Variants in AAK1 observed in about 807,000 individuals in gnomAD.
AAK1 encodes AP2 associated kinase 1, also known as AP2-associated protein kinase 1.
In AAK1, 37 loss-of-function variants were observed where a neutral mutation model predicts 116.0. That is an observed-to-expected ratio of 0.32 (90% CI 0.25 to 0.42). The LOEUF is 0.42. Ranked by LOEUF, AAK1 falls within the 10% of genes least tolerant of loss-of-function variation. The pLI is 1.00. For missense variants in AAK1, 919 were observed against 1,170.6 expected (o/e 0.79, Z 3.14); for synonymous variants, 458 against 439.9 (o/e 1.04, Z -0.51).
intron 2 of AAK1, among the ~76,000 whole-genome samples, chr2:69,588,110 G>A (rs1221701382): frequency 1.3e-5 from 2 of 152,042 alleles, no homozygotes; most frequent in African/African-American, 4.8e-5. Flanking sequence ...TTAGATAAGG[G>A]TTCAAATCCC....
intron 2 of AAK1, among the ~76,000 whole-genome samples, chr2:69,609,653 G>C (rs2105213801): frequency 6.6e-6 from 1 of 152,194 alleles, no homozygotes; most frequent in African/African-American, 2.4e-5. Flanking sequence ...GACACAGTGA[G>C]ACTCCATCTA....
chr2:69,595,039 G>A (rs1056873349), intron 2 of AAK1: 10 of 740,994 alleles, frequency 1.3e-5, no homozygotes, highest in Non-Finnish European at 2.2e-5. Context: ...AGTCCAGCGG[G>A]TTTTAGGAAC....
At position 69,468,188 on chromosome 2, in the gene AAK1, C is replaced by G; in HGVS notation, c.*7681G>C. ...TACATGGTGATACGAAAGCATCAGTCAGTGGACAGGAAATAAACAGAATAC... is the reference window on the plus strand; with the variant it reads ...TACATGGTGATACGAAAGCATCAGTGAGTGGACAGGAAATAAACAGAATAC... On this transcript the variant is annotated 3_prime_UTR_variant, in exon 22 of 22. Transcript: ENST00000409085. 1 of 985,384 alleles carries G rather than the reference C, an allele frequency of 1.0e-6. No homozygotes were observed. The highest frequency in any genetic ancestry group is 1.2e-6 in the Non-Finnish European group (1 of 829,910). The allele number at this position is 985,384 out of a possible 1,614,324, so 61.0% of individuals were successfully genotyped here. A position where few individuals can be genotyped will look rare whatever the true frequency, so the allele number is the denominator to read the frequency against.
intron 2 of AAK1, among the ~76,000 whole-genome samples, chr2:69,634,601 C>T (rs1366562389): frequency 6.6e-6 from 1 of 152,190 alleles, no homozygotes; most frequent in Non-Finnish European, 1.5e-5. Context: ...CAAGAAACAA[C>T]TGAACCCCAA....
intron 4 of AAK1, among the ~76,000 whole-genome samples, chr2:69,543,624 T>A (rs1421930164): frequency 6.6e-6 from 1 of 152,144 alleles, no homozygotes; most frequent in Non-Finnish European, 1.5e-5. Flanking sequence ...ACCAAGATAG[T>A]CTCGATCTCT....
rs573879066 is a variant in AAK1 at position 69,464,630 on chromosome 2, T to C, written c.*11239A>G. 6.5e-6 allele frequency: 1 copy of C among 152,714 alleles called. No homozygotes were observed. The highest frequency in any genetic ancestry group is 1.5e-5 in the Non-Finnish European group (1 of 68,040). 9.5% of individuals were successfully genotyped at this position (152,714 alleles called of 1,614,324 possible). ...GGGCAGGATTTCCCTCAAGTGGAAA[T>C]GCTTCCTGTGCACACACACGTATAC... On this transcript the variant is annotated 3_prime_UTR_variant, in exon 22 of 22. Coordinates refer to ENST00000409085, the MANE Select transcript of AAK1 (RefSeq NM_014911.5).
intron 2 of AAK1, among the ~76,000 whole-genome samples, chr2:69,624,841 C>T (rs777563777): frequency 2.0e-4 from 30 of 151,918 alleles, no homozygotes; most frequent in Non-Finnish European, 3.7e-4. Flanking sequence ...ATGGAATAAC[C>T]GAAACAATAT....
chr2:69,505,419 AT>A (rs1055315117), intron 16 of AAK1, 149 bp downstream of exon 16: 20 of 397,950 alleles, frequency 5.0e-5, no homozygotes, highest in Non-Finnish European at 7.8e-5. Context: ...TAAATTTTAA[AT>A]TAAATAGACC....
intron 2 of AAK1, among the ~76,000 whole-genome samples, chr2:69,624,486 T>G (rs753751711): frequency 1.3e-5 from 2 of 152,214 alleles, no homozygotes; most frequent in Non-Finnish European, 2.9e-5. Context: ...TGCAAAGTCT[T>G]GAAGAAGAAT....
chr2:69,520,704 C>T (rs1669738019), intron 11 of AAK1, 130 bp downstream of exon 11: 7 of 1,141,996 alleles, frequency 6.1e-6, no homozygotes, highest in Non-Finnish European at 7.2e-6. Flanking sequence ...CCTCCTGTTC[C>T]TCAAGGAACA....
chr2:69,565,078 T>C (rs116827092), intron 2 of AAK1, among the ~76,000 whole-genome samples: 277 of 152,270 alleles, frequency 1.8e-3, no homozygotes, highest in African/African-American at 6.6e-3. Flanking sequence ...AGTGACACAG[T>C]CCAGCTTTAA....
rs1669956416 is a variant in AAK1, at chr2:69,525,018, G to A, written c.1055+15C>T. On this transcript the variant is annotated intron_variant, in intron 10 of 21. Coordinates refer to ENST00000409085, the MANE Select transcript of AAK1 (RefSeq NM_014911.5). The stretch of plus-strand genomic sequence containing the variant: ...CAATCCAAGGAGGACATGTGTTCAT[G>A]AAGGCATTTCTTACCTGGCCTTTGG... The A allele has an allele frequency of 1.9e-6, 3 of 1,612,086 alleles. No individual in the cohort carries two copies. The highest frequency in any genetic ancestry group is 1.3e-5 in the African/African-American group (1 of 75,002).
rs554669966 is a variant in AAK1 at position 69,465,912 on chromosome 2, C to T, written c.*9957G>A. The T allele has an allele frequency of 7.7e-7, 1 of 1,290,768 alleles. No individual in the cohort carries two copies. The highest frequency in any genetic ancestry group is 1.5e-5 in the African/African-American group (1 of 65,920). The allele number at this position is 1,290,768 out of a possible 1,614,324, so 80.0% of individuals were successfully genotyped here. On this transcript the variant is annotated 3_prime_UTR_variant, in exon 22 of 22. Transcript: ENST00000409085. ...GACATCACCTGTCTGACTGAGGAGA[C>T]CGGTCTGTGCAGGCAGCTCCTGGGA...
intron 2 of AAK1, among the ~76,000 whole-genome samples, chr2:69,559,505 TG>T (rs1671542120): frequency 6.6e-6 from 1 of 152,360 alleles, no homozygotes; most frequent in East Asian, 1.9e-4. Context: ...AAAATTTCTA[TG>T]TATGTTCATA....
chr2:69,581,794 C>G (rs971036587), intron 2 of AAK1, among the ~76,000 whole-genome samples: 1 of 151,950 alleles, frequency 6.6e-6, no homozygotes, highest in African/African-American at 2.4e-5. Context: ...CTGGGCAACA[C>G]AGCGAGACCC....
rs182471024 is a variant in AAK1, at chr2:69,587,350, T to C, written c.164-30372A>G. 2.3e-3 allele frequency among the ~76,000 whole-genome samples: 322 copies of C among 140,818 alleles called. 1 individual carries two copies. Among genetic ancestry groups the C allele is most frequent in the Non-Finnish European group, 3.6e-3 (242 of 66,558 alleles). The allele number at this position is 140,818 out of a possible 152,430, so 92.4% of individuals were successfully genotyped here. On this transcript the variant is annotated intron_variant, in intron 2 of 21. Transcript: ENST00000409085. Reference sequence around the variant, plus strand: ...ATACACATATGCGTGCACACACACATATATACACATATGCGTGTACACACA... The same window carrying C: ...ATACACATATGCGTGCACACACACACATATACACATATGCGTGTACACACA...
intron 2 of AAK1, among the ~76,000 whole-genome samples, chr2:69,624,121 A>G (rs1052368934): frequency 6.6e-6 from 1 of 152,228 alleles, no homozygotes; most frequent in African/African-American, 2.4e-5. Context: ...CCAACCACAT[A>G]CACAAGATGG....
chr2:69,580,527 A>C (rs755311382), intron 2 of AAK1, among the ~76,000 whole-genome samples: 6 of 152,186 alleles, frequency 3.9e-5, no homozygotes, highest in Non-Finnish European at 5.9e-5. Flanking sequence ...ACCAAAGCAG[A>C]AGCAGAAAAA....
chr2:69,590,948 C>T (rs535739836), intron 2 of AAK1, among the ~76,000 whole-genome samples: 1 of 152,280 alleles, frequency 6.6e-6, no homozygotes, highest in African/African-American at 2.4e-5. Flanking sequence ...AAGCCTACAT[C>T]GAGCACCTAC....
Sources: gnomAD v4.1 joint callset for allele counts (sites outside exome capture counted in the v4.1 genomes callset) on GRCh38, gnomAD v4.1.1 for gene constraint, MANE v1.5 for transcripts, NCBI Gene and HGNC (gene_info 2026-07-23, HGNC 2026-07-21) for gene names.